The following RELN variants were observed in gnomAD, a reference collection of about 807,000 sequenced individuals.
The protein encoded by RELN is reelin.
In RELN, 108 loss-of-function variants were observed where a neutral mutation model predicts 427.6. The ratio of observed to expected loss-of-function variants is 0.25; its 90% CI spans 0.22 to 0.30. The LOEUF (loss-of-function observed/expected upper bound fraction) is 0.30, where lower values mean the gene tolerates loss of function less well. Ranked by LOEUF, RELN falls within the 10% of genes least tolerant of loss-of-function variation. The pLI is 1.00. For missense variants in RELN, 3,715 were observed against 4,302.8 expected (o/e 0.86, Z 3.82); for synonymous variants, 1,524 against 1,513.4 (o/e 1.01, Z -0.16).
At chr7:103,741,593 A>T (rs1790658628) in intron 6 of RELN, among the ~76,000 whole-genome samples, 1 of 151,662 alleles carries the variant, frequency 6.6e-6, no homozygotes, top group South Asian at 2.1e-4. Flanking sequence ...GGGTGAGGGG[A>T]AGTAAAAGTG....
At chr7:103,510,489 G>A (rs1829371582) in intron 51 of RELN, among the ~76,000 whole-genome samples, 3 of 147,964 alleles carry the variant, frequency 2.0e-5, no homozygotes, top group Admixed American at 6.8e-5. Flanking sequence ...GGGCCTGTCG[G>A]GGAGTGGAGG....
At chr7:103,672,073 T>C (rs1475691394) in intron 11 of RELN, among the ~76,000 whole-genome samples, 1 of 152,188 alleles carries the variant, frequency 6.6e-6, no homozygotes, top group African/African-American at 2.4e-5. Context: ...GGATAATTTG[T>C]GGAAAATAAG....
rs1292967734 is a variant in RELN at position 103,823,739 on chromosome 7, T to C, written c.473+9798A>G. ...GTTTCTAATGTGCTTACTAATTTCT[T>C]TGCTCACTATTAATTATTGTATCAT... On this transcript the variant is annotated intron_variant, in intron 3 of 64. Coordinates refer to ENST00000428762, the MANE Select transcript of RELN (RefSeq NM_005045.4). Among the ~76,000 whole-genome samples the C allele has an allele frequency of 1.3e-5, 2 of 152,148 alleles. 1 individual carries two copies. The highest frequency in any genetic ancestry group is 1.3e-4 in the Admixed American group (2 of 15,238).
chr7:103,589,043 T>C (rs1831347598), intron 28 of RELN, among the ~76,000 whole-genome samples: 2 of 152,220 alleles, frequency 1.3e-5, no homozygotes, highest in Admixed American at 6.5e-5. Context: ...CCTAAAAATA[T>C]TGAAAAACTT....
chr7:103,559,767 G>A lies in RELN; in HGVS notation c.5530-1718C>T, dbSNP rs116807739. Among the ~76,000 whole-genome samples the A allele has an allele frequency of 4.1e-3, 630 of 152,292 alleles. 3 individuals are homozygous for A. The highest frequency in any genetic ancestry group is 0.015 in the African/African-American group (603 of 41,556). ...GTGTTGGATTCTTTTAGAGCTCAAT[G>A]CCATGTGGGAGTGGAGGTTGAGAGG... On this transcript the variant is annotated intron_variant, in intron 36 of 64. Transcript: ENST00000428762.
At chr7:103,635,619 A>G in intron 18 of RELN, 33 bp from the exon 19 acceptor site, 2 of 1,573,368 alleles carry the variant, frequency 1.3e-6, no homozygotes, top group South Asian at 1.1e-5. Flanking sequence ...TAGTGTATGC[A>G]TAAACATTTT....
chr7:103,898,734 C>T (rs1795016806), intron 2 of RELN, among the ~76,000 whole-genome samples: 1 of 151,904 alleles, frequency 6.6e-6, no homozygotes, highest in Non-Finnish European at 1.5e-5. Flanking sequence ...TGTAAATGCT[C>T]TGAGTTTTTG....
In RELN at chr7:103,604,470, G is replaced by A. The variant is rs774777246; in HGVS notation, c.3022C>T (p.Arg1008Cys). 1.3e-5 allele frequency: 21 copies of A among 1,613,734 alleles called. No homozygotes were observed. The highest frequency in any genetic ancestry group is 3.3e-4 in the Middle Eastern group (2 of 6,080). Residue 1008 changes from arginine to cysteine, a missense_variant, in exon 23 of 65, where the codon CGT becomes TGT. This residue lies in a region of RELN where 2,208 missense variants were observed against 2,361.7 expected (regional missense o/e 0.93). Transcript: ENST00000428762. ...TAATAGCTCTGGCTCCAGCGGAAACGGGTAGCACTGGACCTAGAAACACGG... is the reference window on the plus strand; with the variant it reads ...TAATAGCTCTGGCTCCAGCGGAAACAGGTAGCACTGGACCTAGAAACACGG... ...LPQKTWSSATRFRWSQSYYTA... is the reference protein window; with the variant it reads ...LPQKTWSSATCFRWSQSYYTA...
intron 2 of RELN, among the ~76,000 whole-genome samples, chr7:103,903,565 T>C (rs1286939261): frequency 6.6e-6 from 1 of 152,132 alleles, no homozygotes; most frequent in Non-Finnish European, 1.5e-5. Flanking sequence ...GGCAAAATTA[T>C]AACATTATTT....
chr7:103,963,653 C>T (rs957056424), intron 1 of RELN, among the ~76,000 whole-genome samples: 2 of 152,048 alleles, frequency 1.3e-5, no homozygotes, highest in Non-Finnish European at 2.9e-5. Flanking sequence ...GTTATATCTG[C>T]ATAGCAATGC....
chr7:103,647,343 T>C (rs1377703192), intron 16 of RELN, among the ~76,000 whole-genome samples: 2 of 152,008 alleles, frequency 1.3e-5, no homozygotes, highest in Non-Finnish European at 2.9e-5. Context: ...CTAGATTTGA[T>C]AAATGACTTC....
chr7:103,659,218 C>T (rs10229702), intron 12 of RELN, among the ~76,000 whole-genome samples: 6,712 of 151,964 alleles, frequency 0.044, 365 homozygotes, highest in African/African-American at 0.13. Flanking sequence ...AATCTAGCAA[C>T]CCTGCCCTAA....
intron 6 of RELN, among the ~76,000 whole-genome samples, chr7:103,731,926 A>C (rs528863850): frequency 7.2e-5 from 11 of 152,254 alleles, no homozygotes; most frequent in African/African-American, 2.6e-4. Context: ...CAATGTTTAC[A>C]TTTTTAAATA....
intron 6 of RELN, among the ~76,000 whole-genome samples, chr7:103,742,625 G>C (rs1466142471): frequency 6.6e-6 from 1 of 152,216 alleles, no homozygotes. Context: ...GAATGCAGAA[G>C]CCTCAGTAGC....
chr7:103,576,904 T>G (rs900493201), intron 28 of RELN, among the ~76,000 whole-genome samples: 1 of 152,154 alleles, frequency 6.6e-6, no homozygotes, highest in Non-Finnish European at 1.5e-5. Flanking sequence ...GCTTTCCAAT[T>G]TTTAAAATAC....
chr7:103,790,137 G>C (rs1476251178), intron 3 of RELN, among the ~76,000 whole-genome samples: 1 of 152,124 alleles, frequency 6.6e-6, no homozygotes, highest in East Asian at 1.9e-4. Context: ...TGAACAATGA[G>C]AACACATGCC....
intron 8 of RELN, among the ~76,000 whole-genome samples, chr7:103,713,434 A>C (rs1214256423): frequency 6.6e-6 from 1 of 152,166 alleles, no homozygotes; most frequent in African/African-American, 2.4e-5. Flanking sequence ...AGGACCATTA[A>C]CTTGAGGTTG....
At chr7:103,729,191 G>A (rs549116381) in intron 6 of RELN, among the ~76,000 whole-genome samples, 1 of 152,150 alleles carries the variant, frequency 6.6e-6, no homozygotes, top group East Asian at 1.9e-4. Context: ...CATGCAGAAA[G>A]AACATTTTCA....
intron 1 of RELN, among the ~76,000 whole-genome samples, chr7:103,976,534 G>GA (rs1796882875): frequency 6.6e-6 from 1 of 152,152 alleles, no homozygotes. Flanking sequence ...GAGCATTAGA[G>GA]AAAAAAGATT....
Sources: allele counts gnomAD v4.1 joint callset (sites outside exome capture counted in the v4.1 genomes callset), GRCh38; gene constraint gnomAD v4.1.1; regional missense constraint gnomAD v4.1.1; transcripts MANE v1.5; gene names NCBI Gene and HGNC (gene_info 2026-07-23, HGNC 2026-07-21).